Variants in C1orf94 observed in about 807,000 individuals in gnomAD.
The protein encoded by C1orf94 is chromosome 1 open reading frame 94, also known as uncharacterized protein C1orf94.
In C1orf94, 45 loss-of-function variants were observed where a neutral mutation model predicts 53.6. The observed-to-expected ratio is 0.84, with a 90% confidence interval of 0.66 to 1.08. The LOEUF (loss-of-function observed/expected upper bound fraction) is 1.08, where lower values mean the gene tolerates loss of function less well. Ranked by LOEUF, C1orf94 falls within the 50% of genes least tolerant of loss-of-function variation. The probability of loss-of-function intolerance (pLI) is 0.00; values close to 1 mark genes in which losing one functional copy is unlikely to be tolerated. For synonymous variants in C1orf94, 304 were observed against 296.1 expected (o/e 1.03, Z -0.27); for missense variants, 762 against 738.9 (o/e 1.03, Z -0.36).
At chr1:34,168,735 T>C (rs139499353) in intron 1 of C1orf94, among the ~76,000 whole-genome samples, 3 of 152,348 alleles carry the variant, frequency 2.0e-5, no homozygotes, top group African/African-American at 7.2e-5. Context: ...ATGGTACATA[T>C]CTGTGTCCAA....
In C1orf94 at chr1:34,208,156, G is replaced by T; in HGVS notation, c.1447-1G>T. The T allele has an allele frequency of 1.9e-6, 3 of 1,614,020 alleles. No homozygotes were observed. Among genetic ancestry groups the T allele is most frequent in the Non-Finnish European group, 1.7e-6 (2 of 1,179,986 alleles). On this transcript the variant is annotated splice_acceptor_variant, in intron 4 of 6. Transcript: ENST00000488417. LOFTEE classifies it high-confidence loss of function. ...CATACTGAGCCTCTGTTTCTCCCCA[G>T]GGCCTGTACCCACAGCAGGCAGCGA...
intron 6 of C1orf94, among the ~76,000 whole-genome samples, chr1:34,215,120 T>C (rs1310977091): frequency 6.6e-6 from 1 of 151,470 alleles, no homozygotes; most frequent in Non-Finnish European, 1.5e-5. Flanking sequence ...AGGATATGGG[T>C]TGGGGTGGGG....
chr1:34,218,781 C>T lies in C1orf94; in HGVS notation c.*20C>T. On this transcript the variant is annotated 3_prime_UTR_variant, in exon 7 of 7. Coordinates refer to ENST00000488417, the MANE Select transcript of C1orf94 (RefSeq NM_001134734.2). ...TTTTAGATCTCCTCTTCTCCCTTCT[C>T]CTCCCTTAGCCCTTGGATCAGGACT... The T allele has an allele frequency of 6.2e-7, 1 of 1,603,688 alleles. No homozygotes were observed. The highest frequency in any genetic ancestry group is 8.5e-7 in the Non-Finnish European group (1 of 1,172,102).
In C1orf94 at chr1:34,167,632, GAGCGAGGCTGTGCTCT is replaced by G. The variant is rs567474724; in HGVS notation, c.-251+462_-251+477del. Among the ~76,000 whole-genome samples the G allele has an allele frequency of 3.9e-3, 169 of 43,580 alleles. 2 individuals carry two copies. Among genetic ancestry groups the G allele is most frequent in the African/African-American group, 0.013 (162 of 12,710 alleles). The allele number at this position is 43,580 out of a possible 152,430, so 28.6% of individuals were successfully genotyped here. A position where few individuals can be genotyped will look rare whatever the true frequency, so the allele number is the denominator to read the frequency against. On this transcript the variant is annotated intron_variant, in intron 1 of 6. Transcript: ENST00000373374. ...AGCGCCTCCTGTGCTCGGGGGCCCT[GAGCGAGGCTGTGCTCT>G]GGGCCCTGCAGAGATGCACAGTGTG...
intron 1 of C1orf94, among the ~76,000 whole-genome samples, chr1:34,178,346 G>A (rs1368807920): frequency 6.6e-6 from 1 of 152,188 alleles, no homozygotes; most frequent in African/African-American, 2.4e-5. Flanking sequence ...AGCCCGTTAA[G>A]CAGACATTTC....
At chr1:34,208,275 AG>A in intron 5 of C1orf94, 41 bp downstream of exon 5, 1 of 1,594,946 alleles carries the variant, frequency 6.3e-7, no homozygotes, top group Non-Finnish European at 8.6e-7. Flanking sequence ...GGGTCCATGA[AG>A]GCCTTTGGGT....
chr1:34,204,033 C>G (rs148290320), intron 4 of C1orf94, among the ~76,000 whole-genome samples: 2 of 152,198 alleles, frequency 1.3e-5, no homozygotes, highest in Non-Finnish European at 1.5e-5. Flanking sequence ...TTTGTGCACT[C>G]AGGACCTTGG....
At chr1:34,175,076 G>A (rs1176624240), upstream of C1orf94, among the ~76,000 whole-genome samples, 1 of 152,038 alleles carries the variant, frequency 6.6e-6, no homozygotes, top group Non-Finnish European at 1.5e-5. Flanking sequence ...TATGGACATA[G>A]CTTTATACTA....
At chr1:34,212,487 C>T in intron 6 of C1orf94, 81 bp downstream of exon 6, 1 of 1,371,552 alleles carries the variant, frequency 7.3e-7, no homozygotes. Context: ...CTTACCAGCG[C>T]TTTCTTAGTA....
rs767634440 is a variant in C1orf94, at chr1:34,197,421, C to T, written c.517C>T (p.Arg173Cys). Residue 173 changes from arginine (R) to cysteine (C), a missense_variant, in exon 2 of 7, where the codon CGC (arginine) becomes TGC (cysteine). Transcript: ENST00000488417. This position sits in a 1 kb window ranked among gnomAD's most constrained non-coding sequence, Gnocchi z 4.1. ...TCCTCTAGTGGCAGGCAGTAATGAG[C>T]GCCCCAGAGCCTCCATCATTGTCGG... ...APPLVAGSNE[R>C]PRASIIVGDK... The T allele has an allele frequency of 5.5e-5, 89 of 1,613,770 alleles. No individual in the cohort carries two copies. The highest frequency in any genetic ancestry group is 1.6e-4 in the East Asian group (7 of 44,874).
chr1:34,179,509 G>A (rs1020990832), intron 1 of C1orf94, among the ~76,000 whole-genome samples: 5 of 152,252 alleles, frequency 3.3e-5, no homozygotes, highest in Non-Finnish European at 7.3e-5. Flanking sequence ...AGACAGACTC[G>A]ACTTCCAGTC....
chr1:34,175,880 A>G (rs563741974), upstream of C1orf94, among the ~76,000 whole-genome samples: 1 of 152,168 alleles, frequency 6.6e-6, no homozygotes, highest in South Asian at 2.1e-4. Flanking sequence ...AGGTTGGTAC[A>G]AAAGTAATTG....
chr1:34,182,946 A>T (rs1642332556), intron 1 of C1orf94, among the ~76,000 whole-genome samples: 1 of 152,254 alleles, frequency 6.6e-6, no homozygotes, highest in African/African-American at 2.4e-5. Context: ...AGGAGAAAAC[A>T]CTAGCCAAGA....
chr1:34,215,503 CT>C (rs1245040852), intron 6 of C1orf94, among the ~76,000 whole-genome samples: 1 of 152,080 alleles, frequency 6.6e-6, no homozygotes, highest in Non-Finnish European at 1.5e-5. Context: ...TAGGCTAGAG[CT>C]TTATAGTTGA....
Position 34,177,849 on chromosome 1 carries a change from G to T in C1orf94, c.60G>T (p.Glu20Asp). ...GTGGACAGAGGGGCTTCCAGAAAGA[G>T]AGGAGGAGGATGGCCAGCGGGAATG... is the stretch of plus-strand genomic sequence containing the variant. ...ALGGQRGFQK[E>D]RRRMASGNGL... Residue 20 changes from glutamate to aspartate, a missense_variant, in exon 1 of 7, where the codon GAG becomes GAT. Transcript: ENST00000488417. 1 of 1,550,714 alleles carries T rather than the reference G, an allele frequency of 6.4e-7. No individual in the cohort carries two copies. The highest frequency in any genetic ancestry group is 8.7e-7 in the Non-Finnish European group (1 of 1,146,390).
chr1:34,202,583 G>A (rs1642730316), intron 4 of C1orf94, among the ~76,000 whole-genome samples: 1 of 152,162 alleles, frequency 6.6e-6, no homozygotes, highest in Non-Finnish European at 1.5e-5. Context: ...TTATTGCAGA[G>A]TCTCTTTGCT....
intron 6 of C1orf94, among the ~76,000 whole-genome samples, chr1:34,216,503 G>T (rs1332037029): frequency 3.3e-5 from 5 of 152,146 alleles, no homozygotes; most frequent in Admixed American, 3.3e-4. Context: ...GGTGCTGATG[G>T]AACAAGATCA....
intron 6 of C1orf94, among the ~76,000 whole-genome samples, chr1:34,216,072 A>G (rs1311605073): frequency 6.6e-6 from 1 of 152,190 alleles, no homozygotes; most frequent in Non-Finnish European, 1.5e-5. Context: ...CATGATGACC[A>G]CAGCAAGGAT....
chr1:34,177,807 T>C lies in C1orf94; in HGVS notation c.18T>C (p.Gly6=). The C allele has an allele frequency of 6.5e-7, 1 of 1,538,718 alleles. No individual in the cohort carries two copies. The highest frequency in any genetic ancestry group is 2.5e-5 in the East Asian group (1 of 40,564). MRGGG[G]CVLALGGQRG... ...TCTGGTGAATGAGGGGTGGTGGTGG[T>C]TGTGTTCTAGCCCTGGGTGGACAGA... Residue 6 remains glycine, a synonymous_variant, in exon 1 of 7, where the codon GGT becomes GGC. Coordinates refer to ENST00000488417, the MANE Select transcript of C1orf94 (RefSeq NM_001134734.2).
Sources: allele counts gnomAD v4.1 joint callset (sites outside exome capture counted in the v4.1 genomes callset), GRCh38; gene constraint gnomAD v4.1.1; non-coding constraint Gnocchi (gnomAD v3.1); transcripts MANE v1.5; gene names NCBI Gene and HGNC (gene_info 2026-07-23, HGNC 2026-07-21).